The following RTTN variants were observed in gnomAD, a reference collection of about 807,000 sequenced individuals.
RTTN encodes rotatin.
In RTTN, 182 loss-of-function variants were observed where a neutral mutation model predicts 269.2. That is an observed-to-expected ratio of 0.68 (90% CI 0.60 to 0.76). RTTN has a LOEUF of 0.76. Ranked by LOEUF, RTTN falls within the 30% of genes least tolerant of loss-of-function variation. RTTN has a pLI of 0.00. For synonymous variants in RTTN, 1,006 were observed against 963.5 expected (o/e 1.04, Z -0.82); for missense variants, 2,545 against 2,608.6 (o/e 0.98, Z 0.53).
At chr18:70,163,813 G>A (rs1377344171) in intron 14 of RTTN, among the ~76,000 whole-genome samples, 1 of 152,154 alleles carries the variant, frequency 6.6e-6, no homozygotes, top group African/African-American at 2.4e-5. Context: ...GTCAGATTGT[G>A]GAGCCTTTTA....
rs1228677004 is a variant in RTTN, at chr18:70,089,975, AAAGCTTGTTCT to A, written c.4144-1839_4144-1829del. On this transcript the variant is annotated intron_variant, in intron 30 of 48. Coordinates refer to ENST00000640769, the MANE Select transcript of RTTN (RefSeq NM_173630.4). ...AGCCTATCTGTGCAAAAAAAATGAG[AAAGCTTGTTCT>A]AAAGAGAACATGGAGGGTGTGGCTG... Among the ~76,000 whole-genome samples the A allele has an allele frequency of 5.9e-5, 9 of 152,336 alleles. No individual in the cohort carries two copies. The East Asian group carries it at 1.7e-3, about 29-fold the overall frequency.
At chr18:70,164,210 CT>C (rs71178854) in intron 14 of RTTN, among the ~76,000 whole-genome samples, 25,106 of 141,948 alleles carry the variant, frequency 0.18, 4,842 homozygotes, top group African/African-American at 0.49. Context: ...AAATTTTTTC[CT>C]TTTTTTTTTT....
intron 27 of RTTN, among the ~76,000 whole-genome samples, chr18:70,114,078 A>T (rs1421038933): frequency 3.3e-5 from 5 of 152,206 alleles, no homozygotes; most frequent in Non-Finnish European, 7.4e-5. Context: ...AACAGAATTC[A>T]TAACTAGAGA....
chr18:70,061,933 G>A (rs2057998686), intron 35 of RTTN, among the ~76,000 whole-genome samples: 1 of 152,096 alleles, frequency 6.6e-6, no homozygotes, highest in Non-Finnish European at 1.5e-5. Context: ...TTCCATATTT[G>A]TAATTTCCGT....
rs147712417 is a variant in RTTN at position 70,199,111 on chromosome 18, C to T, written c.578+303G>A. On this transcript the variant is annotated intron_variant, in intron 5 of 48. Coordinates refer to ENST00000640769, the MANE Select transcript of RTTN (RefSeq NM_173630.4). Reference sequence around the variant, plus strand: ...CTGTGGCACAAGAATCGCTTGAACCCAGGAGGCGGAGGTTGCATTGAGCCA... The same window carrying T: ...CTGTGGCACAAGAATCGCTTGAACCTAGGAGGCGGAGGTTGCATTGAGCCA... Among the ~76,000 whole-genome samples, 141 of 152,220 alleles carry T rather than the reference C, an allele frequency of 9.3e-4. 1 individual carries two copies. The East Asian group carries it at 0.027, about 29-fold the overall frequency.
chr18:70,121,216 T>C (rs1293347323), intron 26 of RTTN, among the ~76,000 whole-genome samples: 1 of 152,158 alleles, frequency 6.6e-6, no homozygotes, highest in Non-Finnish European at 1.5e-5. Flanking sequence ...CATCTGGCTT[T>C]GTTAGCTAAC....
chr18:70,018,422 C>A (rs2056604911), intron 45 of RTTN, among the ~76,000 whole-genome samples: 2 of 152,190 alleles, frequency 1.3e-5, no homozygotes, highest in Non-Finnish European at 2.9e-5. Context: ...ATGGAAACCA[C>A]AGTTAGGTGG....
In RTTN at chr18:70,111,734, G is replaced by A. The variant is rs554054387; in HGVS notation, c.3684-2017C>T. Among the ~76,000 whole-genome samples, 385 of 152,252 alleles carry A rather than the reference G, an allele frequency of 2.5e-3. 4 individuals carry two copies. The highest frequency in any genetic ancestry group is 0.01 in the Middle Eastern group (3 of 294). The stretch of plus-strand genomic sequence containing the variant: ...AACCAACTTGGAAAACACTCTGCAG[G>A]ATATTATCCAGAAGAACTTCCCCAA... On this transcript the variant is annotated intron_variant, in intron 27 of 48. Transcript: ENST00000640769.
chr18:70,204,492 C>T (rs1276319090), intron 2 of RTTN, among the ~76,000 whole-genome samples: 1 of 152,094 alleles, frequency 6.6e-6, no homozygotes, highest in East Asian at 1.9e-4. Flanking sequence ...ACACACTGAA[C>T]GCTAGAAATG....
chr18:70,096,708 C>A (rs569970513), intron 28 of RTTN, among the ~76,000 whole-genome samples: 46 of 152,310 alleles, frequency 3.0e-4, no homozygotes, highest in Non-Finnish European at 5.1e-4. Flanking sequence ...GCCAGCAGAG[C>A]TCTCCTATAT....
chr18:70,143,766 C>CATAA (rs2060319637), intron 18 of RTTN, among the ~76,000 whole-genome samples: 1 of 151,880 alleles, frequency 6.6e-6, no homozygotes, highest in South Asian at 2.1e-4. Context: ...AAAATAAATA[C>CATAA]ATAAATAAAT....
At chr18:70,162,621 G>C (rs1358169556) in intron 14 of RTTN, among the ~76,000 whole-genome samples, 2 of 151,990 alleles carry the variant, frequency 1.3e-5, no homozygotes, top group Non-Finnish European at 2.9e-5. Context: ...AACAGGATGG[G>C]GGAAACTGCC....
chr18:70,101,235 T>C (rs1213274226), intron 28 of RTTN, among the ~76,000 whole-genome samples: 1 of 152,186 alleles, frequency 6.6e-6, no homozygotes, highest in Non-Finnish European at 1.5e-5. Context: ...AGGCTAATAA[T>C]TATTGCCTCA....
At chr18:70,175,045 CA>C (rs5825998) in intron 11 of RTTN, among the ~76,000 whole-genome samples, 23 of 86,832 alleles carry the variant, frequency 2.6e-4, no homozygotes, top group African/African-American at 6.9e-4. Flanking sequence ...AAACCAAAAC[CA>C]AAAAAAAAAA....
chr18:70,096,622 C>T (rs894686885), intron 28 of RTTN, among the ~76,000 whole-genome samples: 4 of 152,164 alleles, frequency 2.6e-5, no homozygotes, highest in South Asian at 2.1e-4. Flanking sequence ...GTATCACCAG[C>T]GGAGGCTGCA....
rs1367805158 is a variant in RTTN, at chr18:70,075,421, G to C, written c.4495C>G (p.Leu1499Val). 18 of 1,606,748 alleles carry C rather than the reference G, an allele frequency of 1.1e-5. No homozygotes were observed. The highest frequency in any genetic ancestry group is 3.4e-5 in the Admixed American group (2 of 58,776). Reference sequence around the variant, plus strand: ...TTCAAATCAAACATACACCGTCCTAGGTAACAATGCTTTACCATCTGATTC... The same window carrying C: ...TTCAAATCAAACATACACCGTCCTACGTAACAATGCTTTACCATCTGATTC... ...HLNQMVKHCY[L>V]GRCMFDLNFS... The change falls in exon 33 of 49, where the codon CTA becomes GTA. Residue 1499 changes from leucine to valine, a missense_variant. Leu to Val is a conservative substitution (Grantham distance 32). Coordinates refer to ENST00000640769, the MANE Select transcript of RTTN (RefSeq NM_173630.4).
chr18:70,190,672 G>A lies in RTTN; in HGVS notation c.1055C>T (p.Ser352Leu), dbSNP rs768954877. 3.5e-5 allele frequency: 57 copies of A among 1,612,948 alleles called. No individual in the cohort carries two copies. Among genetic ancestry groups the A allele is most frequent in the Non-Finnish European group, 4.7e-5 (55 of 1,179,104 alleles). The change falls in exon 9 of 49, where the codon TCA (serine) becomes TTA (leucine). Residue 352 changes from serine (S) to leucine (L), a missense_variant. Ser to Leu is a moderately radical substitution (Grantham distance 145, BLOSUM62 -2). Coordinates refer to ENST00000640769, the MANE Select transcript of RTTN (RefSeq NM_173630.4). The stretch of plus-strand genomic sequence containing the variant: ...ATCTATGTGTCCCATATCCAAAGGT[G>A]AATGAACGGATATCCTGGAGTTTAC... ...AHVNSRISVH[S>L]PLDMGHIDLP...
Position 70,193,399 on chromosome 18 carries a change from T to A in RTTN, c.896A>T (p.His299Leu), listed in dbSNP as rs2061728162. Residue 299 changes from histidine to leucine, a missense_variant, in exon 8 of 49, where the codon CAT (histidine) becomes CTT (leucine). By Grantham distance (99) the His-to-Leu change is moderately conservative. Transcript: ENST00000640769. The stretch of plus-strand genomic sequence containing the variant: ...TCCTGGGGAAGGATTCTGGGAATGA[T>A]GAGTACCTCTTGCTTCATGACAATA... ...LSYCHEARGT[H>L]HSQNPSPGSS... is the part of the protein sequence containing the mutation. The A allele has an allele frequency of 6.2e-7, 1 of 1,605,054 alleles. No individual in the cohort carries two copies. Among genetic ancestry groups the A allele is most frequent in the Non-Finnish European group, 8.5e-7 (1 of 1,176,598 alleles).
intron 28 of RTTN, among the ~76,000 whole-genome samples, chr18:70,101,968 T>C (rs2059180065): frequency 6.6e-6 from 1 of 152,178 alleles, no homozygotes; most frequent in African/African-American, 2.4e-5. Flanking sequence ...CTGTTCTTTT[T>C]CATTTGCTGA....
Sources: allele counts gnomAD v4.1 joint callset (sites outside exome capture counted in the v4.1 genomes callset), GRCh38; gene constraint gnomAD v4.1.1; transcripts MANE v1.5; gene names NCBI Gene and HGNC (gene_info 2026-07-23, HGNC 2026-07-21).